ANKLE2: variants seen among roughly 807,000 people sequenced by gnomAD.
ANKLE2 encodes ankyrin repeat and LEM domain-containing protein 2.
A neutral mutation model predicts 84.2 loss-of-function variants in ANKLE2; 55 were observed. That is an observed-to-expected ratio of 0.65 (90% CI 0.53 to 0.82). ANKLE2 has a LOEUF of 0.82. Ranked by LOEUF, ANKLE2 falls within the 40% of genes least tolerant of loss-of-function variation. ANKLE2 has a pLI of 0.00. For missense variants in ANKLE2, 1,238 were observed against 1,201.9 expected, an observed-to-expected ratio of 1.03 and a Z score of -0.44; for synonymous variants, 551 against 486.1, an observed-to-expected ratio of 1.13 and a Z score of -1.76.
At chr12:132,751,923 T>C (rs1419162135) in intron 2 of ANKLE2, among the ~76,000 whole-genome samples, 1 of 152,230 alleles carries the variant, frequency 6.6e-6, no homozygotes, top group Non-Finnish European at 1.5e-5. Flanking sequence ...AGCTCTGTAG[T>C]GGAACTATCA....
At position 132,729,894 on chromosome 12, in the gene ANKLE2, T is replaced by C; in HGVS notation, c.2268A>G (p.Thr756=). ...AAGTCAGGATCTGATCTTTAGTTTT[T>C]GTACTTTCATCTGGTGTCTTGGAAA... ...RSVSKTPDES[T]KTKDQILTSR... is the part of the protein sequence containing the mutation. Residue 756 remains threonine (T), a synonymous_variant, in exon 11 of 13, where the codon ACA becomes ACG. Coordinates refer to ENST00000357997, the MANE Select transcript of ANKLE2 (RefSeq NM_015114.3). 4 of 1,613,736 alleles carry C rather than the reference T, an allele frequency of 2.5e-6. No individual in the cohort carries two copies. The East Asian group carries it at 8.9e-5, about 36-fold the overall frequency.
chr12:132,751,618 C>CT (rs1183944572), intron 2 of ANKLE2, among the ~76,000 whole-genome samples: 1 of 150,600 alleles, frequency 6.6e-6, no homozygotes, highest in Non-Finnish European at 1.5e-5. Context: ...TCTTGGCTCA[C>CT]TGCGACCATC....
chr12:132,748,390 C>A (rs1473615522), intron 3 of ANKLE2, 59 bp from the exon 4 acceptor site: 5 of 1,582,564 alleles, frequency 3.2e-6, no homozygotes, highest in Non-Finnish European at 4.3e-6. Context: ...ACTCATCACC[C>A]ATGCACCCTC....
rs1245859500 is a variant in ANKLE2 at position 132,726,881 on chromosome 12, G to T, written c.*361C>A. 3.5e-5 allele frequency: 7 copies of T among 201,618 alleles called. No homozygotes were observed. The highest frequency in any genetic ancestry group is 6.0e-5 in the Non-Finnish European group (6 of 100,376). 12.5% of individuals were successfully genotyped at this position (201,618 alleles called of 1,614,324 possible). A position where few individuals can be genotyped will look rare whatever the true frequency, so the allele number is the denominator to read the frequency against. On this transcript the variant is annotated 3_prime_UTR_variant, in exon 13 of 13. Transcript: ENST00000357997. ...TCCGCCAAGCCCCTCCTCATCCACA[G>T]CGTCTGTCGGATGAGGTGAGTACAG...
Position 132,753,792 on chromosome 12 carries a change from G to A in ANKLE2, c.640+883C>T, listed in dbSNP as rs551134350. On this transcript the variant is annotated intron_variant, in intron 2 of 12. Transcript: ENST00000357997. ...AAAAAACCATAAAAATTAGCTGTGC[G>A]TGGTGGCGTATGCCTGTGGTCCCAG... 6.2e-4 allele frequency among the ~76,000 whole-genome samples: 94 copies of A among 152,104 alleles called. 1 individual carries two copies. The highest frequency in any genetic ancestry group is 6.8e-3 in the Middle Eastern group (2 of 294).
intron 10 of ANKLE2, chr12:132,733,897 T>C (rs1171902181): frequency 6.6e-6 from 3 of 452,996 alleles, no homozygotes; most frequent in Non-Finnish European, 1.3e-5. Context: ...ATATTAGATT[T>C]TGGATAATGC....
At chr12:132,758,900 TGCGGAGTGGCACCCCGGGGCACCCACGTG>T (rs2044540275) in intron 1 of ANKLE2, 5 of 146,840 alleles carry the variant, frequency 3.4e-5, no homozygotes, top group Admixed American at 6.8e-5. Flanking sequence ...AGTGGATCGC[TGCGGAGTGGCACCCCGGGGCACCCACGTG>T]GCAGAGTGGA....
chr12:132,729,303 A>G (rs1321886524), intron 11 of ANKLE2, among the ~76,000 whole-genome samples: 6 of 126,570 alleles, frequency 4.7e-5, no homozygotes, highest in South Asian at 2.9e-4. Flanking sequence ...GTGAGCTGTG[A>G]TCGCACCACT....
At chr12:132,749,881 G>A (rs1001792803) in intron 3 of ANKLE2, among the ~76,000 whole-genome samples, 10 of 152,138 alleles carry the variant, frequency 6.6e-5, no homozygotes, top group African/African-American at 2.4e-4. Context: ...ACTGGTTTCA[G>A]GATCCAAAAA....
At position 132,729,687 on chromosome 12, in the gene ANKLE2, G is replaced by T; in HGVS notation, c.2475C>A (p.Phe825Leu). ...EVTREPARRL[F>L]LFGEEPSKLD... Reference sequence around the variant, plus strand: ...GGGCAACACACTCCTACCCAAAAAGGAAGAGCCGCCTGGCCGGTTCCCTGG... The same window carrying T: ...GGGCAACACACTCCTACCCAAAAAGTAAGAGCCGCCTGGCCGGTTCCCTGG... Residue 825 changes from phenylalanine to leucine, a missense_variant, in exon 11 of 13, where the codon TTC (phenylalanine) becomes TTA (leucine). Coordinates refer to ENST00000357997, the MANE Select transcript of ANKLE2 (RefSeq NM_015114.3). The T allele has an allele frequency of 6.2e-7, 1 of 1,604,310 alleles. No homozygotes were observed. The highest frequency in any genetic ancestry group is 8.5e-7 in the Non-Finnish European group (1 of 1,176,978).
rs751883751 is a variant in ANKLE2, at chr12:132,748,119, G to C, written c.1041+19C>G. On this transcript the variant is annotated intron_variant, in intron 4 of 12. Coordinates refer to ENST00000357997, the MANE Select transcript of ANKLE2 (RefSeq NM_015114.3). ...CGGCCGGGACCGCACACCTGCCCGA[G>C]GGAACCGCCGAGACCTACCTGCACG... is the stretch of plus-strand genomic sequence containing the variant. 27 of 1,610,052 alleles carry C rather than the reference G, an allele frequency of 1.7e-5. No homozygotes were observed. The highest frequency in any genetic ancestry group is 2.1e-5 in the Non-Finnish European group (25 of 1,177,254).
At chr12:132,728,009 C>T (rs767426195) in intron 12 of ANKLE2, 23 bp downstream of exon 12, 32 of 1,578,714 alleles carry the variant, frequency 2.0e-5, no homozygotes, top group Non-Finnish European at 2.6e-5. Flanking sequence ...CTGCGGGTGA[C>T]AGGCTGTCCG....
chr12:132,737,257 C>T (rs1377018097), intron 7 of ANKLE2, 192 bp from the exon 8 acceptor site: 5 of 538,200 alleles, frequency 9.3e-6, no homozygotes, highest in Non-Finnish European at 1.6e-5. Flanking sequence ...CAAAGTCACA[C>T]AAGGTCTCAG....
intron 5 of ANKLE2, among the ~76,000 whole-genome samples, chr12:132,744,759 C>A (rs1482373032): frequency 6.6e-6 from 1 of 152,152 alleles, no homozygotes; most frequent in Non-Finnish European, 1.5e-5. Context: ...GGGCTTACTG[C>A]AAGCTCCGCC....
intron 10 of ANKLE2, chr12:132,734,073 TAA>T (rs372085055): frequency 9.1e-3 from 3,960 of 434,264 alleles, no homozygotes; most frequent in Admixed American, 0.014. Flanking sequence ...GCATCTCCAC[TAA>T]AAAAAAAAAA....
intron 7 of ANKLE2, 150 bp from the exon 8 acceptor site, chr12:132,737,215 A>G (rs2044030741): frequency 1.4e-6 from 1 of 701,138 alleles, no homozygotes; most frequent in South Asian, 2.3e-5. Flanking sequence ...GCCAGAGCTC[A>G]CTGCACTTAA....
At chr12:132,737,359 G>A in intron 7 of ANKLE2, 1 of 327,230 alleles carries the variant, frequency 3.1e-6, no homozygotes, top group Non-Finnish European at 5.7e-6. Context: ...AAGGACTAAG[G>A]GGTCGGACCT....
chr12:132,754,305 A>C lies in ANKLE2; in HGVS notation c.640+370T>G, dbSNP rs149335118. Among the ~76,000 whole-genome samples, 13 of 152,364 alleles carry C rather than the reference A, an allele frequency of 8.5e-5. No homozygotes were observed. In the East Asian group the frequency reaches 2.1e-3, roughly 25 times the overall value. ...AAATCTTTGATGCTGAAAAGTATTT[A>C]TACACTCATTGGCCATTTGCATTCA... On this transcript the variant is annotated intron_variant, in intron 2 of 12. Transcript: ENST00000357997.
chr12:132,751,758 G>A, intron 2 of ANKLE2, among the ~76,000 whole-genome samples: 1 of 152,008 alleles, frequency 6.6e-6, no homozygotes. Context: ...GGCCAGGCTA[G>A]TCTTGAACTC....
Sources: gnomAD v4.1 joint callset for allele counts (sites outside exome capture counted in the v4.1 genomes callset) on GRCh38, gnomAD v4.1.1 for gene constraint, MANE v1.5 for transcripts, NCBI Gene and HGNC (gene_info 2026-07-23, HGNC 2026-07-21) for gene names.